Variants in STOML1 observed in about 807,000 individuals in gnomAD.
STOML1 encodes stomatin like 1.
A neutral mutation model predicts 35.7 loss-of-function variants in STOML1; 27 were observed. The observed-to-expected ratio is 0.76, with a 90% CI of 0.56 to 1.04. STOML1 has a LOEUF of 1.04. STOML1 is among the 50% of genes least tolerant of loss of function. The pLI is 0.00. For synonymous variants in STOML1, 219 were observed against 227.9 expected (o/e 0.96, Z 0.35); for missense variants, 451 against 527.1 (o/e 0.86, Z 1.41).
intron 4 of STOML1, chr15:73,986,749 T>G (rs1414474175): frequency 6.5e-6 from 1 of 152,788 alleles, no homozygotes; most frequent in Non-Finnish European, 1.5e-5. Context: ...CAGCGCTGTC[T>G]TGGGAGCCCA....
rs2069060563 is a variant in STOML1, at chr15:73,985,410, G to A, written c.698C>T (p.Pro233Leu). Residue 233 changes from proline to leucine, a missense_variant, in exon 5 of 7, where the codon CCC becomes CTC. Pro to Leu is a moderately conservative substitution (Grantham distance 98). Transcript: ENST00000541638. Reference protein sequence around the residue: ...LQPPQDSPAGPNLDSTLQQLA... With the variant: ...LQPPQDSPAGLNLDSTLQQLA... ...CTGCTGGAGGGTGCTGTCCAGGTTG[G>A]GCCCAGCTGGGCTGTCCTGGGGCGG... is the stretch of plus-strand genomic sequence containing the variant. 1 of 1,560,090 alleles carries A rather than the reference G, an allele frequency of 6.4e-7. No homozygotes were observed. The highest frequency in any genetic ancestry group is 8.6e-7 in the Non-Finnish European group (1 of 1,160,862).
chr15:73,992,297 C>T, upstream of STOML1: 1 of 1,479,322 alleles, frequency 6.8e-7, no homozygotes, highest in East Asian at 2.8e-5. Context: ...CGCGGCCCCG[C>T]CCTCCTGGCT....
rs2069150763 is a variant in STOML1, at chr15:73,988,110, C to G, written c.594+489G>C. ...CTCCAATATACACATGGAGAAGAGG[C>G]AGGAAAAAGATCCAAATGTCCTCAT... On this transcript the variant is annotated intron_variant, in intron 4 of 6. Coordinates refer to ENST00000541638, the MANE Select transcript of STOML1 (RefSeq NM_004809.5). This position sits in a 1 kb window ranked among gnomAD's most constrained non-coding sequence, Gnocchi z 4.8. 2 of 156,464 alleles carry G rather than the reference C, an allele frequency of 1.3e-5. No homozygotes were observed. The highest frequency in any genetic ancestry group is 2.8e-5 in the Non-Finnish European group (2 of 70,494). 9.7% of individuals were successfully genotyped at this position (156,464 alleles called of 1,614,324 possible).
Position 73,990,470 on chromosome 15 carries a change from G to A in STOML1, c.134-13C>T. 6 of 1,594,998 alleles carry A rather than the reference G, an allele frequency of 3.8e-6. No individual in the cohort carries two copies. Among genetic ancestry groups the A allele is most frequent in the African/African-American group, 1.4e-5 (1 of 70,240 alleles). ...CTCTGGGGTACATCTGCAGGTGAGA[G>A]CAGAGGTGGTCAACTGGACCTGCAC... On this transcript the variant is annotated splice_polypyrimidine_tract_variant and intron_variant, in intron 1 of 6. Coordinates refer to ENST00000541638, the MANE Select transcript of STOML1 (RefSeq NM_004809.5).
rs2069033229 is a variant in STOML1, at chr15:73,984,727, G to A, written c.935C>T (p.Ala312Val). The change falls in exon 6 of 7, where the codon GCC (alanine) becomes GTC (valine). Residue 312 changes from alanine (A) to valine (V), a missense_variant. Coordinates refer to ENST00000541638, the MANE Select transcript of STOML1 (RefSeq NM_004809.5). Reference protein sequence around the residue: ...LSEALVSQVGACYQFNVVLPS... With the variant: ...LSEALVSQVGVCYQFNVVLPS... ...CAGGACGACATTGAACTGGTAGCAG[G>A]CCCCGACTTGGCTGACCAGGGCCTC... is the stretch of plus-strand genomic sequence containing the variant. 2 of 1,613,984 alleles carry A rather than the reference G, an allele frequency of 1.2e-6. No homozygotes were observed. Among genetic ancestry groups the A allele is most frequent in the African/African-American group, 2.7e-5 (2 of 74,946 alleles).
At chr15:73,991,993 G>C in intron 1 of STOML1, 98 bp downstream of exon 1, 1 of 1,442,506 alleles carries the variant, frequency 6.9e-7, no homozygotes, top group Non-Finnish European at 9.1e-7. Flanking sequence ...CGTAGGGTGC[G>C]ACGGCACCGG....
intron 1 of STOML1, chr15:73,990,977 C>A: frequency 6.9e-7 from 1 of 1,439,388 alleles, no homozygotes; most frequent in Non-Finnish European, 9.1e-7. Flanking sequence ...AGCTTATCAA[C>A]GGGAGCCACA....
At chr15:73,984,605 A>T (rs1011387444) in intron 6 of STOML1, 54 bp downstream of exon 6, 2 of 1,597,268 alleles carry the variant, frequency 1.3e-6, no homozygotes, top group African/African-American at 2.7e-5. Context: ...TGGGGTAGGT[A>T]ACAAGAAACC....
At position 73,980,698 on chromosome 15, in the gene STOML1, A is replaced by G. The variant is rs1287708047; in HGVS notation, c.*3239T>C. On this transcript the variant is annotated 3_prime_UTR_variant, in exon 7 of 7. Transcript: ENST00000541638. ...AGGCATGGGAAATATGTGTGGAGGG[A>G]GAATTTTCATAATATGCTTTCCTAT... is the stretch of plus-strand genomic sequence containing the variant. The G allele has an allele frequency of 6.6e-6, 1 of 152,218 alleles. No individual in the cohort carries two copies. The highest frequency in any genetic ancestry group is 2.4e-5 in the African/African-American group (1 of 41,450). 9.4% of individuals were successfully genotyped at this position (152,218 alleles called of 1,614,324 possible).
chr15:73,989,079 T>C (rs977248599), intron 3 of STOML1, 29 bp downstream of exon 3: 13 of 1,550,802 alleles, frequency 8.4e-6, no homozygotes, highest in East Asian at 6.8e-5. Flanking sequence ...CCCCAGTTCC[T>C]CTGTCAAGGC....
rs371350275 is a variant in STOML1 at position 73,985,514 on chromosome 15, C to G, written c.595-1G>C. ...CCCTGGTCACATCGTTGATCTCCAG[C>G]TGGAGGACAGTGTGAGGAGAAATGT... On this transcript the variant is annotated splice_acceptor_variant, in intron 4 of 6. Transcript: ENST00000541638. LOFTEE classifies it high-confidence loss of function. 6.5e-7 allele frequency: 1 copy of G among 1,539,456 alleles called. No homozygotes were observed. The highest frequency in any genetic ancestry group is 1.2e-5 in the South Asian group (1 of 82,168).
intron 1 of STOML1, 66 bp from the exon 2 acceptor site, chr15:73,990,523 G>T: frequency 6.8e-7 from 1 of 1,462,826 alleles, no homozygotes; most frequent in Non-Finnish European, 9.4e-7. Context: ...GTGAACTTGG[G>T]CAAGTGTACC....
chr15:73,991,975 T>TC, intron 1 of STOML1, 116 bp downstream of exon 1: 6 of 1,395,148 alleles, frequency 4.3e-6, no homozygotes, highest in African/African-American at 1.5e-5. Context: ...CCTTTCTCAG[T>TC]CCCCCCTCGT....
chr15:73,992,068 C>T (rs2069296334), intron 1 of STOML1, 23 bp downstream of exon 1: 1 of 1,555,214 alleles, frequency 6.4e-7, no homozygotes, highest in African/African-American at 1.4e-5. Context: ...CCCCCGGCTC[C>T]GCCGTGCCAG....
chr15:73,993,415 C>A (rs2069344442), upstream of STOML1, among the ~76,000 whole-genome samples: 1 of 152,222 alleles, frequency 6.6e-6, no homozygotes, highest in Admixed American at 6.5e-5. Flanking sequence ...TCGCCTCTGG[C>A]CTCCGAAGCC....
chr15:73,992,417 A>C (rs1203428912), upstream of STOML1: 33 of 518,596 alleles, frequency 6.4e-5, no homozygotes, highest in Non-Finnish European at 9.3e-5. Flanking sequence ...CGCTGGGAGG[A>C]CCGAACTGCA....
In STOML1 at chr15:73,990,426, A is replaced by G. The variant is rs1178195174; in HGVS notation, c.165T>C (p.Cys55=). 3.7e-6 allele frequency: 6 copies of G among 1,613,916 alleles called. No homozygotes were observed. In the Admixed American group the frequency reaches 5.0e-5, roughly 13 times the overall value. The change falls in exon 2 of 7, where the codon TGT becomes TGC. Residue 55 remains cysteine, a synonymous_variant. Transcript: ENST00000541638. ...DVPQSWPSCL[C]HGLISFLGFL... ...ACCCCAGGAAACTGATGAGGCCATG[A>G]CAGAGGCAGGAGGGCCAGCTCTGGG...
Position 73,979,180 on chromosome 15 carries a change from G to A in STOML1, c.*4757C>T, listed in dbSNP as rs187581261. On this transcript the variant is annotated 3_prime_UTR_variant, in exon 7 of 7. Coordinates refer to ENST00000541638, the MANE Select transcript of STOML1 (RefSeq NM_004809.5). ...GCTAGAAAAGTGAAATGTGATCAGC[G>A]GTTATGGAAAGGTCAGTGGCTGCTC... The A allele has an allele frequency of 6.6e-6, 1 of 152,124 alleles. No individual in the cohort carries two copies. Among genetic ancestry groups the A allele is most frequent in the African/African-American group, 2.4e-5 (1 of 41,424 alleles). 9.4% of individuals were successfully genotyped at this position (152,124 alleles called of 1,614,324 possible).
In STOML1 at chr15:73,988,683, G is replaced by A; in HGVS notation, c.510C>T (p.Ala170=). The A allele has an allele frequency of 6.2e-7, 1 of 1,614,170 alleles. No individual in the cohort carries two copies. Among genetic ancestry groups the A allele is most frequent in the Non-Finnish European group, 8.5e-7 (1 of 1,180,026 alleles). The part of the protein sequence containing the change: ...KDLNTATRMT[A]QNAMTKALLK... ...GCAGGGCCTTGGTCATGGCGTTCTG[G>A]GCTGTCATGCGTGTGGCTGTGTTCA... Residue 170 remains alanine (A), a synonymous_variant, in exon 4 of 7, where the codon GCC becomes GCT. Coordinates refer to ENST00000541638, the MANE Select transcript of STOML1 (RefSeq NM_004809.5). This position sits in a 1 kb window ranked among gnomAD's most constrained non-coding sequence, Gnocchi z 4.8.
Sources: allele counts gnomAD v4.1 joint callset (sites outside exome capture counted in the v4.1 genomes callset), GRCh38; gene constraint gnomAD v4.1.1; non-coding constraint Gnocchi (gnomAD v3.1); transcripts MANE v1.5; gene names NCBI Gene and HGNC (gene_info 2026-07-23, HGNC 2026-07-21).